CDH13: variants seen among roughly 807,000 people sequenced by gnomAD.
CDH13 encodes the protein cadherin-13.
A neutral mutation model predicts 63.8 loss-of-function variants in CDH13; 24 were observed. The observed-to-expected ratio is 0.38, with a 90% CI of 0.27 to 0.53. The LOEUF (loss-of-function observed/expected upper bound fraction) is 0.53, where lower values mean the gene tolerates loss of function less well. Ranked by LOEUF, CDH13 falls within the 20% of genes least tolerant of loss-of-function variation. CDH13 has a pLI of 0.85. For synonymous variants in CDH13, 503 were observed against 355.3 expected, an observed-to-expected ratio of 1.42 and a Z score of -4.67; for missense variants, 1,049 against 903.1, an observed-to-expected ratio of 1.16 and a Z score of -2.07.
intron 7 of CDH13, among the ~76,000 whole-genome samples, chr16:83,530,035 A>G (rs1028595751): frequency 2.0e-5 from 3 of 152,146 alleles, no homozygotes; most frequent in African/African-American, 7.2e-5. Context: ...TGATGCAGAC[A>G]CTGAGCTGGA....
chr16:83,528,211 A>C (rs1329500882), intron 7 of CDH13, among the ~76,000 whole-genome samples: 1 of 152,264 alleles, frequency 6.6e-6, no homozygotes, highest in Non-Finnish European at 1.5e-5. Flanking sequence ...CTTAAATCTA[A>C]GTAATATCCC....
intron 6 of CDH13, among the ~76,000 whole-genome samples, chr16:83,476,901 T>G (rs944986547): frequency 3.3e-5 from 5 of 152,224 alleles, no homozygotes; most frequent in African/African-American, 1.2e-4. Flanking sequence ...TAGAGTATCC[T>G]ATGTCTTTCA....
At chr16:83,056,389 A>G (rs2030940141) in intron 3 of CDH13, among the ~76,000 whole-genome samples, 1 of 152,198 alleles carries the variant, frequency 6.6e-6, no homozygotes. Flanking sequence ...AAAACTGGAA[A>G]CAACTCAAAA....
chr16:83,532,225 A>G (rs566103833), intron 7 of CDH13, among the ~76,000 whole-genome samples: 1 of 152,254 alleles, frequency 6.6e-6, no homozygotes, highest in East Asian at 1.9e-4. Flanking sequence ...GCCCAGTCTC[A>G]GGTATGTGTT....
chr16:83,178,481 A>G (rs541011250), intron 4 of CDH13, among the ~76,000 whole-genome samples: 2 of 152,342 alleles, frequency 1.3e-5, no homozygotes, highest in African/African-American at 4.8e-5. Flanking sequence ...AGATGGTTAT[A>G]GAATTATAAG....
intron 10 of CDH13, among the ~76,000 whole-genome samples, chr16:83,681,233 T>C (rs1021489270): frequency 6.6e-6 from 1 of 152,064 alleles, no homozygotes; most frequent in Non-Finnish European, 1.5e-5. Context: ...ACAAATGCTG[T>C]GTAATCAGGA....
chr16:83,321,452 C>T (rs1055769027), intron 5 of CDH13, among the ~76,000 whole-genome samples: 1 of 151,340 alleles, frequency 6.6e-6, no homozygotes, highest in Non-Finnish European at 1.5e-5. Context: ...ATGCAAAATG[C>T]TATGGCATTA....
At chr16:83,012,839 A>G (rs1421000596) in intron 2 of CDH13, among the ~76,000 whole-genome samples, 3 of 152,230 alleles carry the variant, frequency 2.0e-5, no homozygotes, top group Non-Finnish European at 4.4e-5. Context: ...TAAAAAGTTA[A>G]GCCTCTTGAG....
At chr16:82,766,721 A>G (rs1261956684) in intron 1 of CDH13, among the ~76,000 whole-genome samples, 2 of 152,180 alleles carry the variant, frequency 1.3e-5, no homozygotes, top group African/African-American at 2.4e-5. Flanking sequence ...AAATAAATAC[A>G]TCTGATCAAA....
intron 4 of CDH13, among the ~76,000 whole-genome samples, chr16:83,135,253 C>T (rs2036230360): frequency 6.6e-6 from 1 of 152,132 alleles, no homozygotes; most frequent in Non-Finnish European, 1.5e-5. Context: ...CCAGGGTAAC[C>T]CTCTTAAAGA....
At chr16:83,610,588 T>G (rs1315193609) in intron 8 of CDH13, among the ~76,000 whole-genome samples, 3 of 152,208 alleles carry the variant, frequency 2.0e-5, no homozygotes, top group Non-Finnish European at 4.4e-5. Context: ...CTTATTTATA[T>G]AAATAATCAT....
At chr16:82,927,867 G>T (rs1317859206) in intron 2 of CDH13, among the ~76,000 whole-genome samples, 4 of 152,190 alleles carry the variant, frequency 2.6e-5, no homozygotes, top group Non-Finnish European at 5.9e-5. Context: ...AATATTGAGA[G>T]AATTGGTTGG....
chr16:83,083,917 G>A (rs775488347), intron 3 of CDH13, among the ~76,000 whole-genome samples: 2 of 152,182 alleles, frequency 1.3e-5, no homozygotes, highest in African/African-American at 4.8e-5. Flanking sequence ...AAGAAAGATA[G>A]CTCCAGGTAA....
chr16:83,708,440 G>A (rs377797), intron 10 of CDH13, among the ~76,000 whole-genome samples: 38,368 of 152,122 alleles, frequency 0.25, 5,388 homozygotes, highest in Middle Eastern at 0.45. Context: ...ATTCCCCAAC[G>A]CCCTTGGCTT....
At chr16:83,280,692 A>G (rs548297949) in intron 5 of CDH13, among the ~76,000 whole-genome samples, 4 of 1,508 alleles carry the variant, frequency 2.7e-3, no homozygotes, top group African/African-American at 2.8e-3. Context: ...TACAAAATGT[A>G]TTTCGTATCT....
chr16:83,765,943 C>A (rs374349421), intron 11 of CDH13, among the ~76,000 whole-genome samples: 80 of 152,208 alleles, frequency 5.3e-4, no homozygotes, highest in Middle Eastern at 3.4e-3. Flanking sequence ...ATTGAAGGTT[C>A]AACAGATGCA....
chr16:83,553,194 C>T (rs140801598), intron 7 of CDH13, among the ~76,000 whole-genome samples: 5 of 151,998 alleles, frequency 3.3e-5, no homozygotes, highest in Admixed American at 1.3e-4. Context: ...AATGTAAGTT[C>T]GGAGCAGTCC....
At chr16:82,822,636 A>C (rs562598952) in intron 1 of CDH13, among the ~76,000 whole-genome samples, 2 of 152,272 alleles carry the variant, frequency 1.3e-5, no homozygotes, top group African/African-American at 4.8e-5. Context: ...CTGAGACTAC[A>C]GGTGTGCACC....
intron 1 of CDH13, among the ~76,000 whole-genome samples, chr16:82,794,615 A>G (rs778853318): frequency 1.1e-4 from 16 of 152,146 alleles, no homozygotes; most frequent in Non-Finnish European, 1.8e-4. Context: ...ACGGAATCCA[A>G]TCTCATTTTC....
Sources: gnomAD v4.1 joint callset for allele counts (sites outside exome capture counted in the v4.1 genomes callset) on GRCh38, gnomAD v4.1.1 for gene constraint, MANE v1.5 for transcripts, NCBI Gene and HGNC (gene_info 2026-07-23, HGNC 2026-07-21) for gene names.